The following PRDM2 variants were observed in gnomAD, a reference collection of about 807,000 sequenced individuals.
PRDM2 encodes PR/SET domain 2.
A neutral mutation model predicts 130.0 loss-of-function variants in PRDM2; 30 were observed. That is an observed-to-expected ratio of 0.23 (90% CI 0.17 to 0.31). PRDM2 has a LOEUF of 0.31. Ranked by LOEUF, PRDM2 falls within the 10% of genes least tolerant of loss-of-function variation. The pLI is 1.00. For missense variants in PRDM2, 2,011 were observed against 2,108.4 expected, an observed-to-expected ratio of 0.95 and a Z score of 0.90; for synonymous variants, 871 against 782.4, an observed-to-expected ratio of 1.11 and a Z score of -1.89.
At chr1:13,729,048 G>A (rs1050916549) in intron 2 of PRDM2, among the ~76,000 whole-genome samples, 3 of 152,194 alleles carry the variant, frequency 2.0e-5, no homozygotes, top group African/African-American at 7.2e-5. Flanking sequence ...CAGATATTCA[G>A]ATCCAGGCTT....
At chr1:13,768,171 G>A (rs1644274182) in intron 6 of PRDM2, among the ~76,000 whole-genome samples, 1 of 140,728 alleles carries the variant, frequency 7.1e-6, no homozygotes, top group African/African-American at 2.6e-5. Context: ...TCCACCTCCC[G>A]GGTTCACGCC....
intron 8 of PRDM2, among the ~76,000 whole-genome samples, chr1:13,800,231 G>C (rs558487043): frequency 6.6e-6 from 1 of 152,358 alleles, no homozygotes; most frequent in South Asian, 2.1e-4. Flanking sequence ...TAAGTAAATA[G>C]ATGGCATGTC....
chr1:13,701,563 T>A (rs1242092289), intron 1 of PRDM2, among the ~76,000 whole-genome samples: 1 of 152,190 alleles, frequency 6.6e-6, no homozygotes, highest in African/African-American at 2.4e-5. Flanking sequence ...TTTGAGATGG[T>A]CCAAACTGCC....
In PRDM2 at chr1:13,764,078, T is replaced by C. The variant is rs532372459; in HGVS notation, c.512-9000T>C. Among the ~76,000 whole-genome samples, 25 of 152,340 alleles carry C rather than the reference T, an allele frequency of 1.6e-4. 1 individual carries two copies. The South Asian group carries it at 5.0e-3, about 30-fold the overall frequency. On this transcript the variant is annotated intron_variant, in intron 6 of 9. Coordinates refer to ENST00000311066, the MANE Select transcript of PRDM2 (RefSeq NM_001393986.1). ...GTAGTTAATTCATCAGGATGCAGTA[T>C]TGTAAAATTTGTCATGGGCTTTAAA...
chr1:13,711,176 G>A (rs1490150811), intron 1 of PRDM2, among the ~76,000 whole-genome samples: 3 of 152,038 alleles, frequency 2.0e-5, no homozygotes, highest in Admixed American at 2.0e-4. Flanking sequence ...CTGCTGGATT[G>A]ATCATTCCGT....
intron 6 of PRDM2, among the ~76,000 whole-genome samples, chr1:13,770,556 T>TTG (rs971547413): frequency 1.4e-4 from 22 of 151,814 alleles, no homozygotes; most frequent in African/African-American, 5.1e-4. Flanking sequence ...TTACAAGAAA[T>TTG]TGACATCGGT....
At chr1:13,702,258 C>T (rs999855310) in intron 1 of PRDM2, among the ~76,000 whole-genome samples, 18 of 152,036 alleles carry the variant, frequency 1.2e-4, no homozygotes, top group African/African-American at 4.3e-4. Context: ...CCTTATGATA[C>T]GGTGAGCATG....
At position 13,823,168 on chromosome 1, in the gene PRDM2, T is replaced by C. The variant is rs1421875137; in HGVS notation, c.*33T>C. 1 of 1,613,134 alleles carries C rather than the reference T, an allele frequency of 6.2e-7. No homozygotes were observed. ...TTCTTTTTCTCCTCAGCACCTGAAG[T>C]GACCTGGAATCAGTGAAGCCAAAGG... On this transcript the variant is annotated 3_prime_UTR_variant, in exon 10 of 10. Coordinates refer to ENST00000311066, the MANE Select transcript of PRDM2 (RefSeq NM_001393986.1).
At chr1:13,733,629 A>G (rs904071736) in intron 4 of PRDM2, among the ~76,000 whole-genome samples, 12 of 152,244 alleles carry the variant, frequency 7.9e-5, no homozygotes, top group Non-Finnish European at 1.6e-4. Flanking sequence ...AAAACCCTCA[A>G]TTAAAAAAAT....
intron 5 of PRDM2, among the ~76,000 whole-genome samples, chr1:13,747,711 G>T (rs1395640212): frequency 6.8e-6 from 1 of 147,296 alleles, no homozygotes; most frequent in Non-Finnish European, 1.5e-5. Flanking sequence ...AGACTAGAAG[G>T]TATGTTGAAG....
At chr1:13,761,628 T>C (rs1644100494) in intron 6 of PRDM2, among the ~76,000 whole-genome samples, 1 of 152,156 alleles carries the variant, frequency 6.6e-6, no homozygotes, top group African/African-American at 2.4e-5. Flanking sequence ...ATGTTGTGTT[T>C]ACGTCCGTTT....
intron 4 of PRDM2, among the ~76,000 whole-genome samples, chr1:13,737,581 C>T (rs373917243): frequency 2.6e-4 from 39 of 152,256 alleles, no homozygotes; most frequent in African/African-American, 8.9e-4. Flanking sequence ...TGGTTAATAG[C>T]AGTGCATAGG....
chr1:13,721,411 AT>A (rs1268166598), intron 2 of PRDM2, among the ~76,000 whole-genome samples: 2 of 151,986 alleles, frequency 1.3e-5, no homozygotes, highest in African/African-American at 4.8e-5. Flanking sequence ...ATAGAAGTAT[AT>A]TTTTTATAGA....
In PRDM2 at chr1:13,780,926, C is replaced by T; in HGVS notation, c.3131C>T (p.Ala1044Val). The change falls in exon 8 of 10, where the codon GCC becomes GTC. Residue 1044 changes from alanine (A) to valine (V), a missense_variant. Physicochemically the swap from Ala to Val is moderately conservative, Grantham distance 64. This residue lies in a region of PRDM2 where 1,288 missense variants were observed against 1,237.7 expected (regional missense o/e 1.04). Transcript: ENST00000311066. ...CCCGTGGAGCCCCTGATGTCTGCCG[C>T]CTCACCCGGGCCTCCAACACTTTCT... ...IPPVEPLMSA[A>V]SPGPPTLSSS... The T allele has an allele frequency of 1.2e-6, 2 of 1,613,162 alleles. No individual in the cohort carries two copies. Among genetic ancestry groups the T allele is most frequent in the Non-Finnish European group, 1.7e-6 (2 of 1,179,258 alleles).
At chr1:13,783,407 G>A (rs892016361) in intron 8 of PRDM2, among the ~76,000 whole-genome samples, 1 of 152,170 alleles carries the variant, frequency 6.6e-6, no homozygotes, top group African/African-American at 2.4e-5. Flanking sequence ...CCTGAACTCA[G>A]CCGTAGGACG....
rs546794803 is a variant in PRDM2, at chr1:13,821,283, A to G, written c.*24-1876A>G. 1.1e-4 allele frequency among the ~76,000 whole-genome samples: 16 copies of G among 152,224 alleles called. No individual in the cohort carries two copies. In the South Asian group the frequency reaches 3.1e-3, roughly 30 times the overall value. ...CCTTCCATAAACAACTGGTATTATT[A>G]TTATTATTATTGAAATATTACATTA... On this transcript the variant is annotated intron_variant, in intron 9 of 9. Coordinates refer to ENST00000311066, the MANE Select transcript of PRDM2 (RefSeq NM_001393986.1).
In PRDM2 at chr1:13,803,561, C is replaced by G. The variant is rs1645041211; in HGVS notation, c.5037-12866C>G. Among the ~76,000 whole-genome samples, 1 of 152,136 alleles carries G rather than the reference C, an allele frequency of 6.6e-6. No homozygotes were observed. The highest frequency in any genetic ancestry group is 2.4e-5 in the African/African-American group (1 of 41,428). ...TCTCCTCACTGCTCCCAAGAACAAC[C>G]TGGAGTATGACTGTGAGCGAGTGCC... On this transcript the variant is annotated intron_variant, in intron 8 of 9. Coordinates refer to ENST00000311066, the MANE Select transcript of PRDM2 (RefSeq NM_001393986.1). The surrounding 1 kb of genome is among the most constrained non-coding windows in gnomAD (Gnocchi z 6.2).
In PRDM2 at chr1:13,749,504, C is replaced by T. The variant is rs1354456365; in HGVS notation, c.511+17C>T. On this transcript the variant is annotated intron_variant, in intron 6 of 9. Coordinates refer to ENST00000311066, the MANE Select transcript of PRDM2 (RefSeq NM_001393986.1). ...GCCGGAAAGGTAGGAGCCCCCCGGC[C>T]CGCCCGCCCGGCCCCGGCGCCACGC... 6.0e-6 allele frequency: 8 copies of T among 1,331,012 alleles called. No homozygotes were observed. The highest frequency in any genetic ancestry group is 7.9e-6 in the Non-Finnish European group (8 of 1,015,904). The allele number at this position is 1,331,012 out of a possible 1,614,324, so 82.5% of individuals were successfully genotyped here. A position where few individuals can be genotyped will look rare whatever the true frequency, so the allele number is the denominator to read the frequency against.
At chr1:13,772,391 G>T (rs1018396701) in intron 6 of PRDM2, among the ~76,000 whole-genome samples, 3 of 152,140 alleles carry the variant, frequency 2.0e-5, no homozygotes, top group Admixed American at 1.3e-4. Flanking sequence ...CCTTGTAAAC[G>T]TATGGTATCA....
Sources: allele counts gnomAD v4.1 joint callset (sites outside exome capture counted in the v4.1 genomes callset), GRCh38; gene constraint gnomAD v4.1.1; regional missense constraint gnomAD v4.1.1; non-coding constraint Gnocchi (gnomAD v3.1); transcripts MANE v1.5; gene names NCBI Gene and HGNC (gene_info 2026-07-23, HGNC 2026-07-21).